DMD: variants seen among roughly 807,000 people sequenced by gnomAD.
DMD encodes the protein mutant dystrophin.
In DMD, 63 loss-of-function variants were observed where a neutral mutation model predicts 330.1. The observed-to-expected ratio is 0.19, with a 90% CI of 0.16 to 0.24. The LOEUF is 0.24. DMD is among the 10% of genes least tolerant of loss of function. The probability of loss-of-function intolerance (pLI) is 1.00; values close to 1 mark genes in which losing one functional copy is unlikely to be tolerated. For missense variants in DMD, 3,344 were observed against 2,684.1 expected (o/e 1.25, Z -5.43); for synonymous variants, 1,223 against 959.8 (o/e 1.27, Z -5.07).
intron 34 of DMD, among the ~76,000 whole-genome samples, chrX:32,374,649 T>C (rs893139138): frequency 1.8e-5 from 2 of 112,003 alleles, no homozygotes; most frequent in African/African-American, 3.2e-5. Context: ...CTCTATTCTG[T>C]TCCATTGATC....
chrX:31,479,198 G>C, intron 57 of DMD, 95 bp from the exon 58 acceptor site: 1 of 995,064 alleles, frequency 1.0e-6, no homozygotes. Context: ...GAAACTCCCA[G>C]GTCAATTTCT....
At chrX:32,686,331 C>A (rs6631618) in intron 9 of DMD, among the ~76,000 whole-genome samples, 15,367 of 109,789 alleles carry the variant, frequency 0.14, 2,604 homozygotes, top group African/African-American at 0.47. Context: ...GCCAAGGCGG[C>A]TGGATCACCT....
intron 48 of DMD, among the ~76,000 whole-genome samples, chrX:31,841,617 A>G (rs1051250871): frequency 8.9e-6 from 1 of 112,167 alleles, no homozygotes; most frequent in African/African-American, 3.2e-5. Flanking sequence ...ATGACTTTCA[A>G]TTGAAGACAA....
chrX:32,783,034 TTA>T lies in DMD; in HGVS notation c.649+26457_649+26458del, dbSNP rs1297148860. Among the ~76,000 whole-genome samples the T allele has an allele frequency of 3.0e-5, 3 of 99,767 alleles. No homozygotes were observed. In the Admixed American group the frequency reaches 3.3e-4, roughly 11 times the overall value. The allele number at this position is 99,767 out of a possible 115,157, so 86.6% of individuals were successfully genotyped here. A position where few individuals can be genotyped will look rare whatever the true frequency, so the allele number is the denominator to read the frequency against. Reference sequence around the variant, plus strand: ...ACGTATATATACATATATGGTGTGTTTATATATATACACACACATATACATAT... The same window carrying T: ...ACGTATATATACATATATGGTGTGTTTATATATACACACACATATACATAT... On this transcript the variant is annotated intron_variant, in intron 7 of 78. Transcript: ENST00000357033.
intron 7 of DMD, among the ~76,000 whole-genome samples, chrX:32,736,502 A>T (rs1027256681): frequency 3.6e-5 from 4 of 110,450 alleles, no homozygotes; most frequent in African/African-American, 1.3e-4. Flanking sequence ...GATAGCAAAG[A>T]CTTGGAACCA....
intron 44 of DMD, among the ~76,000 whole-genome samples, chrX:32,104,075 A>T (rs1281663499): frequency 9.0e-6 from 1 of 111,217 alleles, no homozygotes; most frequent in African/African-American, 3.3e-5. Context: ...ACAACAACTG[A>T]GGAGGCAGAG....
At chrX:31,925,514 G>C (rs2094758327) in intron 47 of DMD, among the ~76,000 whole-genome samples, 1 of 111,728 alleles carries the variant, frequency 9.0e-6, no homozygotes, top group Non-Finnish European at 1.9e-5. Flanking sequence ...GGGAAGGAGA[G>C]CAGAAGAGAA....
At chrX:32,820,432 A>G (rs2078144437) in intron 5 of DMD, among the ~76,000 whole-genome samples, 1 of 111,011 alleles carries the variant, frequency 9.0e-6, no homozygotes, top group African/African-American at 3.3e-5. Flanking sequence ...ACAGAGCGAG[A>G]CTCTGTCTCA....
At chrX:33,121,192 G>A (rs940464512) in intron 1 of DMD, among the ~76,000 whole-genome samples, 33 of 108,728 alleles carry the variant, frequency 3.0e-4, no homozygotes, top group African/African-American at 1.0e-3. Context: ...CTGTGCCAGC[G>A]TCTGTTGAAT....
chrX:32,821,923 G>T (rs953152104), intron 5 of DMD, among the ~76,000 whole-genome samples: 1 of 110,715 alleles, frequency 9.0e-6, no homozygotes, highest in African/African-American at 3.3e-5. Flanking sequence ...TTTAATGAAC[G>T]TGGTGGGGGG....
chrX:31,298,331 G>A lies in DMD; in HGVS notation c.9224+25267C>T, dbSNP rs1406191260. Among the ~76,000 whole-genome samples the A allele has an allele frequency of 4.5e-5, 5 of 110,431 alleles. No homozygotes were observed. The East Asian group carries it at 1.1e-3, about 25-fold the overall frequency. ...GTGCTCTTTTATGCATTTTAGTACT[G>A]AGAAAAACATAAGTGCTAGATATGC... On this transcript the variant is annotated intron_variant, in intron 62 of 78. Coordinates refer to ENST00000357033, the MANE Select transcript of DMD (RefSeq NM_004006.3).
At chrX:32,733,437 C>T (rs2067993579) in intron 7 of DMD, among the ~76,000 whole-genome samples, 2 of 110,516 alleles carry the variant, frequency 1.8e-5, no homozygotes, top group African/African-American at 6.7e-5. Flanking sequence ...CAGAACTCTC[C>T]ACCCCAAATC....
At chrX:32,711,023 G>A (rs2065140647) in intron 7 of DMD, among the ~76,000 whole-genome samples, 1 of 111,565 alleles carries the variant, frequency 9.0e-6, no homozygotes, top group African/African-American at 3.3e-5. Flanking sequence ...TATTTGGAAA[G>A]CAACTCCCTT....
intron 55 of DMD, among the ~76,000 whole-genome samples, chrX:31,569,650 GTATATATACGTA>G (rs2075688730): frequency 1.4e-5 from 1 of 71,845 alleles, no homozygotes; most frequent in African/African-American, 5.0e-5. Flanking sequence ...ATGTATATAC[GTATATATACGTA>G]TATATACGTA....
intron 7 of DMD, among the ~76,000 whole-genome samples, chrX:32,787,516 C>CA (rs1162188531): frequency 9.0e-6 from 1 of 110,727 alleles, no homozygotes; most frequent in African/African-American, 3.3e-5. Flanking sequence ...CCAAGACCTA[C>CA]AGCAGATGTC....
intron 43 of DMD, among the ~76,000 whole-genome samples, chrX:32,278,768 T>G (rs1339371908): frequency 9.0e-6 from 1 of 111,701 alleles, no homozygotes; most frequent in African/African-American, 3.2e-5. Context: ...AAAACAAATC[T>G]TGAGTAATAT....
chrX:32,453,507 T>C (rs1218273480), intron 26 of DMD, among the ~76,000 whole-genome samples: 1 of 111,281 alleles, frequency 9.0e-6, no homozygotes, highest in East Asian at 2.8e-4. Context: ...TGTGAGTTAC[T>C]TTCTGCTATT....
chrX:32,666,359 C>T (rs938916008), intron 9 of DMD, among the ~76,000 whole-genome samples: 1 of 110,331 alleles, frequency 9.1e-6, no homozygotes, highest in Non-Finnish European at 1.9e-5. Context: ...CCTACCCTTG[C>T]CCTCCACTCC....
intron 48 of DMD, among the ~76,000 whole-genome samples, chrX:31,869,627 G>A (rs756067823): frequency 2.3e-4 from 25 of 108,699 alleles, no homozygotes; most frequent in Admixed American, 2.0e-4. Context: ...TCTTCTCTAG[G>A]TTGTCTTATA....
Sources: gnomAD v4.1 joint callset for allele counts (sites outside exome capture counted in the v4.1 genomes callset) on GRCh38, gnomAD v4.1.1 for gene constraint, MANE v1.5 for transcripts, NCBI Gene and HGNC (gene_info 2026-07-23, HGNC 2026-07-21) for gene names.